KCNIP4: variants seen among roughly 807,000 people sequenced by gnomAD.
KCNIP4 encodes the protein Kv channel-interacting protein 4.
A neutral mutation model predicts 34.0 loss-of-function variants in KCNIP4; 12 were observed. The ratio of observed to expected loss-of-function variants is 0.35; its 90% CI spans 0.23 to 0.57. KCNIP4 has a LOEUF of 0.57. Ranked by LOEUF, KCNIP4 falls within the 20% of genes least tolerant of loss-of-function variation. The pLI, the probability that KCNIP4 is intolerant of heterozygous loss-of-function variation, is 0.83. For synonymous variants in KCNIP4, 124 were observed against 102.2 expected (o/e 1.21, Z -1.29); for missense variants, 238 against 311.7 (o/e 0.76, Z 1.78).
chr4:20,857,376 A>G lies in KCNIP4; in HGVS notation c.164-6709T>C, dbSNP rs376695725. Among the ~76,000 whole-genome samples, 33 of 152,248 alleles carry G rather than the reference A, an allele frequency of 2.2e-4. No individual in the cohort carries two copies. In the East Asian group the frequency reaches 3.5e-3, roughly 16 times the overall value. On this transcript the variant is annotated intron_variant, in intron 2 of 8. Coordinates refer to ENST00000382152, the MANE Select transcript of KCNIP4 (RefSeq NM_025221.6). ...TTTGGGTGGTTTTAACCCAGTGCCT[A>G]ACATTTATTGAGCCCTTGTTGTATG...
intron 1 of KCNIP4, among the ~76,000 whole-genome samples, chr4:21,693,820 C>A (rs1049629396): frequency 3.3e-5 from 5 of 152,118 alleles, no homozygotes; most frequent in African/African-American, 1.2e-4. Flanking sequence ...ACTAGTTAAA[C>A]AATTCAGTGT....
intron 1 of KCNIP4, chr4:21,697,508 A>G: frequency 6.7e-7 from 1 of 1,491,636 alleles, no homozygotes; most frequent in Non-Finnish European, 8.8e-7. Context: ...TAATAATAAA[A>G]AGAGAGTCTC....
chr4:20,845,082 AC>A (rs1720203195), intron 3 of KCNIP4, among the ~76,000 whole-genome samples: 1 of 151,930 alleles, frequency 6.6e-6, no homozygotes, highest in Admixed American at 6.6e-5. Context: ...AACCTATGTG[AC>A]CCCCAGTGAG....
chr4:21,610,683 C>T (rs1459011115), intron 1 of KCNIP4, among the ~76,000 whole-genome samples: 5 of 152,026 alleles, frequency 3.3e-5, no homozygotes, highest in Admixed American at 3.3e-4. Flanking sequence ...TTTATTCATA[C>T]ATTTTCATAC....
At chr4:21,927,926 C>T (rs929523546) in intron 1 of KCNIP4, among the ~76,000 whole-genome samples, 31 of 151,982 alleles carry the variant, frequency 2.0e-4, no homozygotes, top group African/African-American at 6.5e-4. Flanking sequence ...ACCATTTATA[C>T]GTGTACACTC....
intron 1 of KCNIP4, among the ~76,000 whole-genome samples, chr4:20,892,969 C>A (rs775137685): frequency 6.6e-6 from 1 of 152,174 alleles, no homozygotes; most frequent in African/African-American, 2.4e-5. Context: ...TGGAAATTAT[C>A]TGGAGTTCCT....
At chr4:21,223,763 C>A (rs1246263396) in intron 1 of KCNIP4, among the ~76,000 whole-genome samples, 1 of 152,040 alleles carries the variant, frequency 6.6e-6, no homozygotes, top group African/African-American at 2.4e-5. Flanking sequence ...ATCTTTCTTA[C>A]TTAGTTGATG....
chr4:20,973,719 T>C (rs867268018), intron 1 of KCNIP4, among the ~76,000 whole-genome samples: 34 of 152,272 alleles, frequency 2.2e-4, no homozygotes, highest in Middle Eastern at 3.4e-3. Flanking sequence ...TTAGAGGCCA[T>C]TGTAGGATTA....
At chr4:20,867,720 C>T (rs1377378252) in intron 2 of KCNIP4, among the ~76,000 whole-genome samples, 1 of 151,920 alleles carries the variant, frequency 6.6e-6, no homozygotes, top group East Asian at 1.9e-4. Context: ...AGAAATTATC[C>T]TACACTTGAT....
At chr4:21,756,940 T>C (rs1717569634) in intron 1 of KCNIP4, among the ~76,000 whole-genome samples, 1 of 151,130 alleles carries the variant, frequency 6.6e-6, no homozygotes, top group Admixed American at 6.6e-5. Context: ...CCACTAAAAA[T>C]ACAAAAATTA....
intron 1 of KCNIP4, among the ~76,000 whole-genome samples, chr4:21,773,976 C>T (rs1477102286): frequency 1.3e-5 from 2 of 151,980 alleles, no homozygotes; most frequent in African/African-American, 4.8e-5. Context: ...TGGATCCTGA[C>T]ATCATGATGC....
At chr4:21,583,970 T>C (rs73252275) in intron 1 of KCNIP4, among the ~76,000 whole-genome samples, 9,908 of 152,136 alleles carry the variant, frequency 0.065, 470 homozygotes, top group African/African-American at 0.13. Flanking sequence ...TCACTCATCC[T>C]CATGAGTCTC....
intron 1 of KCNIP4, among the ~76,000 whole-genome samples, chr4:21,761,754 GA>G (rs1485270728): frequency 1.1e-4 from 17 of 151,968 alleles, no homozygotes; most frequent in African/African-American, 3.6e-4. Flanking sequence ...TATAGAGGAA[GA>G]GAGGGGAAAA....
At chr4:21,173,114 C>T (rs1409887777) in intron 1 of KCNIP4, among the ~76,000 whole-genome samples, 4 of 152,042 alleles carry the variant, frequency 2.6e-5, no homozygotes, top group African/African-American at 4.8e-5. Flanking sequence ...CTTCCAAGAG[C>T]GCATCTGATT....
intron 1 of KCNIP4, among the ~76,000 whole-genome samples, chr4:21,177,590 G>A (rs1194801638): frequency 1.3e-5 from 2 of 152,088 alleles, no homozygotes; most frequent in Non-Finnish European, 2.9e-5. Context: ...AGCATTCTGG[G>A]AGGCCGAGGC....
intron 1 of KCNIP4, among the ~76,000 whole-genome samples, chr4:21,458,188 C>T (rs1385733114): frequency 7.1e-6 from 1 of 139,932 alleles, no homozygotes; most frequent in Admixed American, 7.8e-5. Context: ...ATTCCCCTTC[C>T]TGTGTCCATG....
intron 1 of KCNIP4, among the ~76,000 whole-genome samples, chr4:20,918,713 T>C (rs1041307417): frequency 6.6e-6 from 1 of 152,216 alleles, no homozygotes; most frequent in Non-Finnish European, 1.5e-5. Flanking sequence ...CTCTCCTCCC[T>C]GTGTAATACA....
Position 20,731,990 on chromosome 4 carries a change from C to T in KCNIP4, c.705+16G>A, listed in dbSNP as rs2149261951. The stretch of plus-strand genomic sequence containing the variant: ...ATGATAGCTGAATTGATAGTTATTA[C>T]ACTTTCATTACTTACTTTTTGGCAG... On this transcript the variant is annotated intron_variant, in intron 8 of 8. Transcript: ENST00000382152. 6.2e-7 allele frequency: 1 copy of T among 1,612,732 alleles called. No individual in the cohort carries two copies. The highest frequency in any genetic ancestry group is 8.5e-7 in the Non-Finnish European group (1 of 1,179,462).
At chr4:21,455,810 TATATATATATATATATATA>T (rs1560422780) in intron 1 of KCNIP4, among the ~76,000 whole-genome samples, 1,279 of 67,996 alleles carry the variant, frequency 0.019, 233 homozygotes, top group African/African-American at 0.096. Flanking sequence ...CAGATATTCA[TATATATATATATATATATA>T]TATATATATA....
Sources: allele counts gnomAD v4.1 joint callset (sites outside exome capture counted in the v4.1 genomes callset), GRCh38; gene constraint gnomAD v4.1.1; transcripts MANE v1.5; gene names NCBI Gene and HGNC (gene_info 2026-07-23, HGNC 2026-07-21).